The following SPON1 variants were observed in gnomAD, a reference collection of about 807,000 sequenced individuals.
SPON1 encodes the protein spondin 1.
Under a neutral mutation model 111.7 loss-of-function variants are expected in SPON1, and 52 were observed. The observed-to-expected ratio is 0.47, with a 90% confidence interval of 0.37 to 0.59. The LOEUF is 0.59. SPON1 is among the 20% of genes least tolerant of loss of function. The pLI is 0.00. For missense variants in SPON1, 957 were observed against 1,068.5 expected (o/e 0.90, Z 1.46); for synonymous variants, 410 against 395.8 (o/e 1.04, Z -0.43).
chr11:14,213,494 T>G (rs1848596374), intron 6 of SPON1, among the ~76,000 whole-genome samples: 1 of 152,248 alleles, frequency 6.6e-6, no homozygotes, highest in East Asian at 1.9e-4. Context: ...AAATGCACTA[T>G]TAAAAACACT....
chr11:14,255,728 C>G lies in SPON1; in HGVS notation c.1174C>G (p.Pro392Ala). 2 of 1,613,800 alleles carry G rather than the reference C, an allele frequency of 1.2e-6. No individual in the cohort carries two copies. The highest frequency in any genetic ancestry group is 1.7e-6 in the Non-Finnish European group (2 of 1,179,848). The change falls in exon 9 of 16, where the codon CCA (proline) becomes GCA (alanine). Residue 392 changes from proline to alanine, a missense_variant. Pro to Ala is a conservative substitution (Grantham distance 27). This residue lies in a region of SPON1 where 549 missense variants were observed against 606.2 expected (regional missense o/e 0.91). Transcript: ENST00000576479. The stretch of plus-strand genomic sequence containing the variant: ...CCATCCTCAGAGTCCTTTCTATGAC[C>G]CAGAGGGTGGGTCCATCACTCAAGT... ...LDHPQSPFYD[P>A]EGGSITQVAR...
chr11:14,213,017 G>C (rs931033041), intron 6 of SPON1, among the ~76,000 whole-genome samples: 4 of 152,312 alleles, frequency 2.6e-5, no homozygotes, highest in Admixed American at 2.0e-4. Flanking sequence ...CAGAGCTTGG[G>C]AGAGACTCTT....
chr11:13,979,401 T>C (rs1448308955), intron 1 of SPON1, among the ~76,000 whole-genome samples: 1 of 152,178 alleles, frequency 6.6e-6, no homozygotes, highest in Admixed American at 6.5e-5. Context: ...TTCCCAAGTA[T>C]GGATTAGAAC....
At chr11:14,188,065 G>T (rs1848305946) in intron 6 of SPON1, among the ~76,000 whole-genome samples, 3 of 152,124 alleles carry the variant, frequency 2.0e-5, no homozygotes, top group Admixed American at 2.0e-4. Context: ...ACAGGCCACT[G>T]TGCTTGGCCA....
rs782280347 is a variant in SPON1, at chr11:14,135,487, T to C, written c.744T>C (p.Tyr248=). 17 of 1,613,874 alleles carry C rather than the reference T, an allele frequency of 1.1e-5. No individual in the cohort carries two copies. The highest frequency in any genetic ancestry group is 2.2e-5 in the South Asian group (2 of 91,076). Residue 248 remains tyrosine (Y), a synonymous_variant, in exon 6 of 16, where the codon TAT becomes TAC. Coordinates refer to ENST00000576479, the MANE Select transcript of SPON1 (RefSeq NM_006108.4). The surrounding 1 kb of genome is among the most constrained non-coding windows in gnomAD (Gnocchi z 4.4). ...SHSKNYVLWE[Y]GGYASEGVKQ... is the part of the protein sequence containing the mutation. Reference sequence around the variant, plus strand: ...CCAAGAATTATGTACTGTGGGAATATGGAGGATATGCCAGCGAAGGCGTCA... The same window carrying C: ...CCAAGAATTATGTACTGTGGGAATACGGAGGATATGCCAGCGAAGGCGTCA...
intron 6 of SPON1, among the ~76,000 whole-genome samples, chr11:14,154,194 G>A (rs1564917104): frequency 6.6e-6 from 1 of 152,202 alleles, no homozygotes; most frequent in Non-Finnish European, 1.5e-5. Context: ...CCACTAGGCA[G>A]TGCCCCAGTA....
chr11:14,255,850 C>T (rs1258000018), intron 9 of SPON1, 63 bp downstream of exon 9: 16 of 1,545,166 alleles, frequency 1.0e-5, no homozygotes, highest in Non-Finnish European at 1.3e-5. Flanking sequence ...GGAGATTGTA[C>T]ACCCTTCTGC....
At chr11:14,071,026 T>A (rs1478167757) in intron 3 of SPON1, among the ~76,000 whole-genome samples, 1 of 152,126 alleles carries the variant, frequency 6.6e-6, no homozygotes, top group Non-Finnish European at 1.5e-5. Context: ...ATTCAGTATA[T>A]AAATGCTATG....
At chr11:14,142,353 G>C (rs187384478) in intron 6 of SPON1, among the ~76,000 whole-genome samples, 35 of 152,188 alleles carry the variant, frequency 2.3e-4, no homozygotes, top group African/African-American at 8.2e-4. Context: ...CAGAGGATGA[G>C]GCCACAACTC....
intron 1 of SPON1, among the ~76,000 whole-genome samples, chr11:13,966,089 CA>C (rs1382748894): frequency 6.6e-6 from 1 of 152,194 alleles, no homozygotes; most frequent in African/African-American, 2.4e-5. Flanking sequence ...GTTTCTTCCC[CA>C]AAACCTGAAT....
chr11:14,218,778 A>G (rs1413541211), intron 6 of SPON1, among the ~76,000 whole-genome samples: 3 of 152,232 alleles, frequency 2.0e-5, no homozygotes, highest in African/African-American at 7.2e-5. Context: ...CATTAGGAAC[A>G]GCCTAGAAAA....
chr11:13,992,417 G>A (rs1333354419), intron 2 of SPON1, among the ~76,000 whole-genome samples: 1 of 152,130 alleles, frequency 6.6e-6, no homozygotes, highest in African/African-American at 2.4e-5. Flanking sequence ...CACCAAGCTC[G>A]AGCGTCCCAG....
chr11:13,989,508 T>C (rs555726255), intron 2 of SPON1, among the ~76,000 whole-genome samples: 4 of 152,308 alleles, frequency 2.6e-5, no homozygotes, highest in East Asian at 1.9e-4. Flanking sequence ...CCTGGATTCA[T>C]TGATTTTTTT....
Position 14,079,877 on chromosome 11 carries a change from G to A in SPON1, c.554-22G>A, listed in dbSNP as rs372058797. On this transcript the variant is annotated intron_variant, in intron 4 of 15. Transcript: ENST00000576479. ...CAACCCACGTTTACTTTCTAACTTG[G>A]TGACTTTTCTGACTGTTTCAGATTC... The A allele has an allele frequency of 1.6e-4, 261 of 1,613,618 alleles. 1 individual carries two copies. The highest frequency in any genetic ancestry group is 1.9e-4 in the Non-Finnish European group (225 of 1,179,800).
At chr11:14,179,627 G>A (rs887094699) in intron 6 of SPON1, among the ~76,000 whole-genome samples, 4 of 152,112 alleles carry the variant, frequency 2.6e-5, no homozygotes, top group Admixed American at 1.3e-4. Flanking sequence ...TAGGCTCTCT[G>A]AGCCACAGTT....
intron 6 of SPON1, among the ~76,000 whole-genome samples, chr11:14,137,952 G>A (rs577112297): frequency 6.6e-6 from 1 of 152,246 alleles, no homozygotes; most frequent in African/African-American, 2.4e-5. Flanking sequence ...TTCCCCGCAA[G>A]CACACAATTG....
At chr11:14,197,298 G>C (rs1350136911) in intron 6 of SPON1, among the ~76,000 whole-genome samples, 2 of 152,052 alleles carry the variant, frequency 1.3e-5, no homozygotes, top group African/African-American at 4.8e-5. Context: ...GCATTTCAGA[G>C]ATTCTGATCT....
At chr11:14,080,862 T>A (rs1009321980) in intron 5 of SPON1, among the ~76,000 whole-genome samples, 3 of 152,094 alleles carry the variant, frequency 2.0e-5, no homozygotes, top group Non-Finnish European at 2.9e-5. Context: ...TGTGGGAGGA[T>A]CCTTTGAGGC....
At chr11:14,131,050 C>A (rs1467704622) in intron 5 of SPON1, among the ~76,000 whole-genome samples, 1 of 152,162 alleles carries the variant, frequency 6.6e-6, no homozygotes, top group Non-Finnish European at 1.5e-5. Context: ...GCAGGAGGAA[C>A]TTTTGATCAT....
Sources: allele counts gnomAD v4.1 joint callset (sites outside exome capture counted in the v4.1 genomes callset), GRCh38; gene constraint gnomAD v4.1.1; regional missense constraint gnomAD v4.1.1; non-coding constraint Gnocchi (gnomAD v3.1); transcripts MANE v1.5; gene names NCBI Gene and HGNC (gene_info 2026-07-23, HGNC 2026-07-21).